Variants in PGAP6 observed in about 807,000 individuals in gnomAD.
The protein encoded by PGAP6 is post-GPI attachment to proteins 6, also known as post-GPI attachment to proteins factor 6.
In PGAP6, 62 loss-of-function variants were observed where a neutral mutation model predicts 68.4. That is an observed-to-expected ratio of 0.91 (90% CI 0.74 to 1.12). The LOEUF is 1.12. PGAP6 is among the 50% of genes most tolerant of loss of function. The pLI, the probability that PGAP6 is intolerant of heterozygous loss-of-function variation, is 0.00. For synonymous variants in PGAP6, 575 were observed against 474.0 expected (o/e 1.21, Z -2.77); for missense variants, 1,188 against 1,068.5 (o/e 1.11, Z -1.56).
At chr16:374,621 G>A (rs1017487277) in intron 9 of PGAP6, 135 bp downstream of exon 9, 32 of 1,279,520 alleles carry the variant, frequency 2.5e-5, no homozygotes, top group Non-Finnish European at 2.0e-5. Context: ...GAGTGGGGAG[G>A]AGGCTTTGCC....
Position 375,446 on chromosome 16 carries a change from A to C in PGAP6, c.1225-11T>G. ...GTTCCGCATCTCTGTCTGGAAAGGG[A>C]GGCGGTGCCGGCTCAGCTCCAGCAG... On this transcript the variant is annotated splice_polypyrimidine_tract_variant and intron_variant, in intron 6 of 12. Transcript: ENST00000431232. 1 of 1,610,664 alleles carries C rather than the reference A, an allele frequency of 6.2e-7. No homozygotes were observed. Among genetic ancestry groups the C allele is most frequent in the East Asian group, 2.2e-5 (1 of 44,842 alleles).
intron 1 of PGAP6, among the ~76,000 whole-genome samples, chr16:380,346 G>C (rs1354851872): frequency 6.6e-6 from 1 of 151,850 alleles, no homozygotes; most frequent in South Asian, 2.1e-4. Context: ...ACCACACCCA[G>C]GTTATTTTTT....
chr16:384,033 G>A (rs183650125), upstream of PGAP6, among the ~76,000 whole-genome samples: 322 of 152,346 alleles, frequency 2.1e-3, no homozygotes, highest in Non-Finnish European at 3.9e-3. Flanking sequence ...GGGCTCCCAG[G>A]GGTTCTCATT....
chr16:372,149 G>T lies in PGAP6; in HGVS notation c.2154C>A (p.Tyr718Ter). ...IYTSMMTSDN[Y>*]YYTHSIWHIL... Reference sequence around the variant, plus strand: ...TGTGCCAGATGCTGTGGGTGTAGTAGTAGTTGTCGCTAGTCATCATGGAGG... The same window carrying T: ...TGTGCCAGATGCTGTGGGTGTAGTATTAGTTGTCGCTAGTCATCATGGAGG... The change falls in exon 13 of 13, where the codon TAC (tyrosine) becomes TAA (stop). Residue 718 changes from tyrosine to a stop codon, truncating the protein, a stop_gained. Coordinates refer to ENST00000431232, the MANE Select transcript of PGAP6 (RefSeq NM_021259.3). LOFTEE classifies it low-confidence loss of function (END_TRUNC). The T allele has an allele frequency of 6.2e-7, 1 of 1,612,950 alleles. No individual in the cohort carries two copies. The highest frequency in any genetic ancestry group is 1.3e-5 in the African/African-American group (1 of 75,026).
In PGAP6 at chr16:371,982, C is replaced by T; in HGVS notation, c.*5G>A. 3.7e-6 allele frequency: 6 copies of T among 1,609,460 alleles called. No individual in the cohort carries two copies. Among genetic ancestry groups the T allele is most frequent in the Non-Finnish European group, 4.2e-6 (5 of 1,177,720 alleles). ...ATCAGAGCAGCAGCTGTCCCCAGGCCAGTGTCACGTCACTGCGTACAGTTC... is the reference window on the plus strand; with the variant it reads ...ATCAGAGCAGCAGCTGTCCCCAGGCTAGTGTCACGTCACTGCGTACAGTTC... On this transcript the variant is annotated 3_prime_UTR_variant, in exon 13 of 13. Coordinates refer to ENST00000431232, the MANE Select transcript of PGAP6 (RefSeq NM_021259.3).
intron 1 of PGAP6, among the ~76,000 whole-genome samples, chr16:381,008 A>C (rs1339888858): frequency 6.6e-6 from 1 of 152,140 alleles, no homozygotes; most frequent in African/African-American, 2.4e-5. Flanking sequence ...CCACGTCCCT[A>C]CCCCGTGGAA....
intron 11 of PGAP6, among the ~76,000 whole-genome samples, chr16:373,516 C>G (rs544666659): frequency 6.6e-6 from 1 of 152,366 alleles, no homozygotes; most frequent in African/African-American, 2.4e-5. Context: ...TGCGGGGTCT[C>G]AGACCCGCAT....
At chr16:384,748 C>T (rs1414123905), upstream of PGAP6, among the ~76,000 whole-genome samples, 1 of 151,822 alleles carries the variant, frequency 6.6e-6, no homozygotes, top group South Asian at 2.1e-4. Flanking sequence ...CCCAGCTACT[C>T]CAGAGGCTGA....
At chr16:382,127 AC>A (rs1350709382), upstream of PGAP6, 2 of 298,946 alleles carry the variant, frequency 6.7e-6, no homozygotes, top group Non-Finnish European at 1.2e-5. Context: ...CGGGGGACGG[AC>A]CGGGGCGCGC....
chr16:381,331 G>A (rs2054435850), intron 1 of PGAP6, among the ~76,000 whole-genome samples: 1 of 152,202 alleles, frequency 6.6e-6, no homozygotes, highest in Non-Finnish European at 1.5e-5. Context: ...CCCGGCCGGT[G>A]AGCTCACGGC....
chr16:376,128 G>A lies in PGAP6; in HGVS notation c.1224+8C>T. ...CCAGGCCACAGGCCGCTTGCAGACA[G>A]CAGGTACCTTGTTGGCCCGCAGGGA... is the stretch of plus-strand genomic sequence containing the variant. On this transcript the variant is annotated splice_region_variant and intron_variant, in intron 6 of 12. Transcript: ENST00000431232. The A allele has an allele frequency of 6.3e-7, 1 of 1,596,304 alleles. No individual in the cohort carries two copies. The highest frequency in any genetic ancestry group is 8.5e-7 in the Non-Finnish European group (1 of 1,169,656).
In PGAP6 at chr16:380,970, G is replaced by A. The variant is rs1031976214; in HGVS notation, c.121+731C>T. 8.5e-5 allele frequency among the ~76,000 whole-genome samples: 13 copies of A among 152,216 alleles called. 1 individual carries two copies. The highest frequency in any genetic ancestry group is 1.9e-4 in the Non-Finnish European group (13 of 68,034). On this transcript the variant is annotated intron_variant, in intron 1 of 12. Transcript: ENST00000431232. ...CCGGGGCAAGTCCTCACCATCTCAG[G>A]GTGGCCAAGGCCTGACGGTCTCCAC...
At position 372,612 on chromosome 16, in the gene PGAP6, C is replaced by G. The variant is rs751104113; in HGVS notation, c.2018G>C (p.Trp673Ser). 2.5e-6 allele frequency: 4 copies of G among 1,610,054 alleles called. No homozygotes were observed. In the African/African-American group the frequency reaches 5.3e-5, roughly 22 times the overall value. The stretch of plus-strand genomic sequence containing the variant: ...GTGCCAGCCAGCCCGGCTCCTTACC[C>G]ACATGGAGGCCATGATCACGAAGGC... The part of the protein sequence containing the change: ...LFAFVIMASM[W>S]AYRCGHRRQC... Residue 673 changes from tryptophan to serine, a missense_variant and splice_region_variant, in exon 12 of 13, where the codon TGG (tryptophan) becomes TCG (serine). Trp to Ser is a radical substitution (Grantham distance 177). Transcript: ENST00000431232.
At position 374,065 on chromosome 16, in the gene PGAP6, G is replaced by A. The variant is rs750498480; in HGVS notation, c.1842C>T (p.Ser614=). 9.1e-5 allele frequency: 147 copies of A among 1,611,834 alleles called. No homozygotes were observed. Among genetic ancestry groups the A allele is most frequent in the African/African-American group, 2.0e-4 (15 of 74,914 alleles). ...GGATGGTGACCCAGATGGCCGCCCCGGAGCCCAAGAAGTCGCAGTACTGCA... is the reference window on the plus strand; with the variant it reads ...GGATGGTGACCCAGATGGCCGCCCCAGAGCCCAAGAAGTCGCAGTACTGCA... ...DTLQYCDFLG[S]GAAIWVTILC... The change falls in exon 11 of 13, where the codon TCC becomes TCT. Residue 614 remains serine, a synonymous_variant. Coordinates refer to ENST00000431232, the MANE Select transcript of PGAP6 (RefSeq NM_021259.3).
intron 1 of PGAP6, among the ~76,000 whole-genome samples, chr16:380,215 C>A (rs763145): frequency 0.074 from 11,255 of 152,208 alleles, 455 homozygotes; most frequent in Non-Finnish European, 0.1. Context: ...CAGTTTCCAA[C>A]GGAGTAAGGT....
rs541869100 is a variant in PGAP6, at chr16:375,720, C to T, written c.1225-285G>A. Among the ~76,000 whole-genome samples the T allele has an allele frequency of 6.6e-5, 10 of 152,246 alleles. No individual in the cohort carries two copies. The South Asian group carries it at 1.9e-3, about 28-fold the overall frequency. On this transcript the variant is annotated intron_variant, in intron 6 of 12. Coordinates refer to ENST00000431232, the MANE Select transcript of PGAP6 (RefSeq NM_021259.3). ...CTAATTTTTGTATTTTCAGTAGAGA[C>T]GGGGTTTCACCGTGTTAGCCAGGAT... is the stretch of plus-strand genomic sequence containing the variant.
At chr16:374,538 CA>C in intron 9 of PGAP6, 139 bp from the exon 10 acceptor site, 1 of 1,158,638 alleles carries the variant, frequency 8.6e-7, no homozygotes, top group Non-Finnish European at 1.2e-6. Flanking sequence ...GGTCCAAGGT[CA>C]GGAGGCAGTA....
At position 377,703 on chromosome 16, in the gene PGAP6, G is replaced by A. The variant is rs1019908577; in HGVS notation, c.267C>T (p.Ser89=). Residue 89 remains serine, a synonymous_variant, in exon 2 of 13, where the codon AGC becomes AGT. Transcript: ENST00000431232. ...LRWLLQVSRE[S]GAACTDAEIT... is the part of the protein sequence containing the mutation. ...TCTCCGCGTCGGTGCAGGCAGCGCCGCTCTCCCGGGAGACCTGCAGGAGCC... is the reference window on the plus strand; with the variant it reads ...TCTCCGCGTCGGTGCAGGCAGCGCCACTCTCCCGGGAGACCTGCAGGAGCC... The A allele has an allele frequency of 5.0e-6, 8 of 1,592,826 alleles. No individual in the cohort carries two copies. Among genetic ancestry groups the A allele is most frequent in the East Asian group, 2.3e-5 (1 of 43,738 alleles).
intron 1 of PGAP6, among the ~76,000 whole-genome samples, chr16:380,938 A>G (rs1217946136): frequency 6.6e-6 from 1 of 152,300 alleles, no homozygotes; most frequent in Non-Finnish European, 1.5e-5. Flanking sequence ...GTCCCAGGCC[A>G]CAGAGGCCGG....
Sources: allele counts gnomAD v4.1 joint callset (sites outside exome capture counted in the v4.1 genomes callset), GRCh38; gene constraint gnomAD v4.1.1; transcripts MANE v1.5; gene names NCBI Gene and HGNC (gene_info 2026-07-23, HGNC 2026-07-21).